SLC1A6: variants seen among roughly 807,000 people sequenced by gnomAD.
SLC1A6 encodes excitatory amino acid transporter 4.
A neutral mutation model predicts 42.1 loss-of-function variants in SLC1A6; 15 were observed. The observed-to-expected ratio is 0.36, with a 90% CI of 0.24 to 0.55. The LOEUF (loss-of-function observed/expected upper bound fraction) is 0.55. Among genes scored for constraint, SLC1A6 ranks in the 20% least tolerant of loss-of-function variants. The pLI is 0.88. For missense variants in SLC1A6, 542 were observed against 772.5 expected (o/e 0.70, Z 3.54); for synonymous variants, 317 against 319.7 (o/e 0.99, Z 0.09).
chr19:14,981,736 G>A (rs537806964), upstream of SLC1A6, among the ~76,000 whole-genome samples: 5 of 152,262 alleles, frequency 3.3e-5, no homozygotes, highest in South Asian at 2.1e-4. Flanking sequence ...CTTTACACCC[G>A]TAACAATCAG....
chr19:14,994,191 C>G (rs994785950), intron 1 of SLC1A6, among the ~76,000 whole-genome samples: 13 of 152,172 alleles, frequency 8.5e-5, no homozygotes, highest in African/African-American at 3.1e-4. Flanking sequence ...AACAAGAAGC[C>G]TTGTCCTCTG....
intron 4 of SLC1A6, among the ~76,000 whole-genome samples, chr19:14,967,485 C>T (rs2045587465): frequency 6.6e-6 from 1 of 152,294 alleles, no homozygotes; most frequent in South Asian, 2.1e-4. Context: ...CGCCTCCTTA[C>T]ACTCTCTCCC....
rs56317513 is a variant in SLC1A6 at position 14,979,050 on chromosome 19, TCACACA to T, written c.-8+253_-8+258del. Reference sequence around the variant, plus strand: ...CAAATTCAGTCTCTCTCTCTCTCTGTCACACACACACACACACACACACACACACAC... The same window carrying T: ...CAAATTCAGTCTCTCTCTCTCTCTGTCACACACACACACACACACACACAC... On this transcript the variant is annotated intron_variant, in intron 1 of 9. Coordinates refer to ENST00000594383, the MANE Select transcript of SLC1A6 (RefSeq NM_005071.3). The surrounding 1 kb of genome is among the most constrained non-coding windows in gnomAD (Gnocchi z 4.2). Among the ~76,000 whole-genome samples, 18,059 of 131,228 alleles carry T rather than the reference TCACACA, an allele frequency of 0.14. 1,450 individuals are homozygous for T. Among genetic ancestry groups the T allele is most frequent in the African/African-American group, 0.21 (7,501 of 35,158 alleles). 86.1% of individuals were successfully genotyped at this position (131,228 alleles called of 152,430 possible).
chr19:14,953,142 G>T, intron 8 of SLC1A6, 80 bp from the exon 9 acceptor site: 1 of 1,128,102 alleles, frequency 8.9e-7, no homozygotes, highest in South Asian at 1.4e-5. Flanking sequence ...ACAGAGAGAA[G>T]GGAAGAGATC....
At chr19:14,953,849 G>T (rs566046276) in intron 8 of SLC1A6, among the ~76,000 whole-genome samples, 1 of 152,254 alleles carries the variant, frequency 6.6e-6, no homozygotes, top group Admixed American at 6.5e-5. Context: ...AGAACCTCGG[G>T]TTATCAGGAT....
At chr19:14,981,684 A>C (rs1395415483), upstream of SLC1A6, among the ~76,000 whole-genome samples, 1 of 152,208 alleles carries the variant, frequency 6.6e-6, no homozygotes, top group Non-Finnish European at 1.5e-5. Context: ...ATAATAAGTA[A>C]ATAAAATAGC....
intron 1 of SLC1A6, among the ~76,000 whole-genome samples, chr19:14,990,802 C>T (rs115423272): frequency 0.017 from 2,334 of 139,866 alleles, 67 homozygotes; most frequent in African/African-American, 0.055. Context: ...AAAAAAAAAA[C>T]GAATAATTTC....
intron 1 of SLC1A6, among the ~76,000 whole-genome samples, chr19:14,975,688 G>A (rs2045696742): frequency 6.6e-6 from 1 of 150,858 alleles, no homozygotes; most frequent in South Asian, 2.1e-4. Flanking sequence ...AGGAGGCAGA[G>A]GTTGCAGTGA....
intron 1 of SLC1A6, chr19:14,974,821 T>C (rs1181578798): frequency 1.3e-5 from 2 of 151,910 alleles, no homozygotes; most frequent in African/African-American, 4.8e-5. Context: ...TCCCAGCTAC[T>C]TGGGTGGCTG....
rs1187060924 is a variant in SLC1A6, at chr19:14,972,964, G to A, written c.-7-47C>T. On this transcript the variant is annotated intron_variant, in intron 1 of 9. Coordinates refer to ENST00000594383, the MANE Select transcript of SLC1A6 (RefSeq NM_005071.3). ...GGGGCTGGTGAGGGCCAGGACAGAAGGCCGGCGTGGGCAGATGGCGAAGGC... is the reference window on the plus strand; with the variant it reads ...GGGGCTGGTGAGGGCCAGGACAGAAAGCCGGCGTGGGCAGATGGCGAAGGC... 2.1e-6 allele frequency: 3 copies of A among 1,419,992 alleles called. No individual in the cohort carries two copies. The African/African-American group carries it at 4.3e-5, about 20-fold the overall frequency. The allele number at this position is 1,419,992 out of a possible 1,614,324, so 88.0% of individuals were successfully genotyped here.
chr19:15,006,162 G>A (rs1052583136), intron 1 of SLC1A6, among the ~76,000 whole-genome samples: 3 of 152,148 alleles, frequency 2.0e-5, no homozygotes, highest in Non-Finnish European at 4.4e-5. Context: ...GTCAGCCATG[G>A]TGCTAAGCAC....
At chr19:14,953,489 T>A (rs1414644839) in intron 8 of SLC1A6, among the ~76,000 whole-genome samples, 2 of 151,800 alleles carry the variant, frequency 1.3e-5, no homozygotes, top group Admixed American at 1.3e-4. Flanking sequence ...CACCTCGAAC[T>A]CCTGATCCAC....
chr19:14,972,952 G>T, intron 1 of SLC1A6, 35 bp from the exon 2 acceptor site: 1 of 1,496,892 alleles, frequency 6.7e-7, no homozygotes, highest in Non-Finnish European at 9.0e-7. Context: ...GCTGGTGAGG[G>T]CCAGGACAGA....
intron 1 of SLC1A6, among the ~76,000 whole-genome samples, chr19:15,005,783 A>G (rs2045893410): frequency 6.6e-6 from 1 of 152,230 alleles, no homozygotes; most frequent in Admixed American, 6.5e-5. Context: ...GCCAGAATGT[A>G]ACAGCCTGCA....
chr19:14,999,174 G>A (rs562276097), intron 1 of SLC1A6, among the ~76,000 whole-genome samples: 109 of 152,192 alleles, frequency 7.2e-4, no homozygotes, highest in Non-Finnish European at 1.2e-3. Context: ...CACCATGCCC[G>A]GCCAAGAAAC....
chr19:14,970,312 T>C (rs7255650), intron 3 of SLC1A6, among the ~76,000 whole-genome samples: 58,517 of 151,834 alleles, frequency 0.39, 11,653 homozygotes, highest in East Asian at 0.59. Flanking sequence ...CTCAAGCAAT[T>C]CTCCTGCCTC....
Position 14,950,294 on chromosome 19 carries a change from A to T in SLC1A6, c.1596T>A (p.Ala532=). The T allele has an allele frequency of 6.2e-7, 1 of 1,612,222 alleles. No individual in the cohort carries two copies. Among genetic ancestry groups the T allele is most frequent in the Non-Finnish European group, 8.5e-7 (1 of 1,178,996 alleles). The change falls in exon 10 of 10, where the codon GCT becomes GCA. Residue 532 remains alanine (A), a synonymous_variant. Coordinates refer to ENST00000594383, the MANE Select transcript of SLC1A6 (RefSeq NM_005071.3). ...TCCCCAGGCTGGGGAGGGTAAGCTC[A>T]GCTTCCTGAAGCTCCAGCTCCCGCT... The part of the protein sequence containing the change: ...LSQRELELQE[A]ELTLPSLGKP...
chr19:15,003,660 C>CAAAAAAAA (rs371118940), intron 1 of SLC1A6, among the ~76,000 whole-genome samples: 4 of 121,984 alleles, frequency 3.3e-5, no homozygotes, highest in Non-Finnish European at 5.0e-5. Flanking sequence ...CATGTAATGC[C>CAAAAAAAA]AAAAAAAAAA....
intron 1 of SLC1A6, among the ~76,000 whole-genome samples, chr19:15,003,491 TC>T (rs1568302888): frequency 6.6e-6 from 1 of 151,554 alleles, no homozygotes; most frequent in Non-Finnish European, 1.5e-5. Flanking sequence ...CTAGGTCATA[TC>T]CCCCTGGAAT....
Sources: gnomAD v4.1 joint callset for allele counts (sites outside exome capture counted in the v4.1 genomes callset) on GRCh38, gnomAD v4.1.1 for gene constraint, Gnocchi (gnomAD v3.1) non-coding constraint, MANE v1.5 for transcripts, NCBI Gene and HGNC (gene_info 2026-07-23, HGNC 2026-07-21) for gene names.